The following LIMA1 variants were observed in gnomAD, a reference collection of about 807,000 sequenced individuals.
LIMA1 encodes the protein LIM domain and actin-binding protein 1.
Under a neutral mutation model 62.6 loss-of-function variants are expected in LIMA1, and 52 were observed. That is an observed-to-expected ratio of 0.83 (90% confidence interval 0.67 to 1.05). The LOEUF (loss-of-function observed/expected upper bound fraction) is 1.05, where lower values mean the gene tolerates loss of function less well. LIMA1 is among the 50% of genes least tolerant of loss of function. LIMA1 has a pLI of 0.00. For synonymous variants in LIMA1, 302 were observed against 317.8 expected (o/e 0.95, Z 0.53); for missense variants, 780 against 902.2 (o/e 0.86, Z 1.74).
intron 1 of LIMA1, among the ~76,000 whole-genome samples, chr12:50,263,855 GAGTA>G (rs200516761): frequency 0.015 from 1,551 of 101,804 alleles, 37 homozygotes; most frequent in African/African-American, 0.052. Flanking sequence ...TATATATAGA[GAGTA>G]TATATATATA....
At chr12:50,196,500 G>T (rs1940933488) in intron 7 of LIMA1, among the ~76,000 whole-genome samples, 1 of 152,116 alleles carries the variant, frequency 6.6e-6, no homozygotes, top group Non-Finnish European at 1.5e-5. Flanking sequence ...TTACGTATAG[G>T]TGTATATATC....
chr12:50,272,728 G>A (rs1942228566), intron 1 of LIMA1, among the ~76,000 whole-genome samples: 1 of 151,724 alleles, frequency 6.6e-6, no homozygotes, highest in Non-Finnish European at 1.5e-5. Context: ...CTACTTATCT[G>A]GACCAGTGCT....
chr12:50,185,139 G>T (rs1029306829), intron 9 of LIMA1, among the ~76,000 whole-genome samples: 2 of 152,096 alleles, frequency 1.3e-5, no homozygotes, highest in African/African-American at 4.8e-5. Context: ...CCGGAATTCT[G>T]TATTTTTTAA....
chr12:50,183,687 TA>T (rs569918859), intron 9 of LIMA1, among the ~76,000 whole-genome samples: 79 of 151,576 alleles, frequency 5.2e-4, no homozygotes, highest in South Asian at 4.2e-4. Context: ...GGCGTGTGCC[TA>T]TAGTCCCAGC....
chr12:50,283,191 C>G (rs1942360806), intron 1 of LIMA1, among the ~76,000 whole-genome samples: 1 of 151,686 alleles, frequency 6.6e-6, no homozygotes, highest in Non-Finnish European at 1.5e-5. Flanking sequence ...TTTGCAGCTC[C>G]CGCCCTTGGG....
intron 2 of LIMA1, among the ~76,000 whole-genome samples, chr12:50,236,444 C>T (rs576861801): frequency 1.5e-4 from 22 of 150,894 alleles, no homozygotes; most frequent in African/African-American, 5.1e-4. Flanking sequence ...ATTACAGGCA[C>T]GCACCACCAC....
At chr12:50,268,961 G>C (rs1213878591) in intron 1 of LIMA1, among the ~76,000 whole-genome samples, 2 of 152,078 alleles carry the variant, frequency 1.3e-5, no homozygotes, top group Non-Finnish European at 1.5e-5. Flanking sequence ...TTGAAACTAG[G>C]AATATTAAAG....
At chr12:50,195,278 AC>A (rs760706597) in intron 8 of LIMA1, among the ~76,000 whole-genome samples, 6 of 152,242 alleles carry the variant, frequency 3.9e-5, no homozygotes, top group South Asian at 4.1e-4. Flanking sequence ...ACAAAAAAAA[AC>A]ATTTTTGTCT....
intron 8 of LIMA1, among the ~76,000 whole-genome samples, chr12:50,194,298 T>C (rs1226793020): frequency 7.2e-6 from 1 of 139,596 alleles, no homozygotes; most frequent in African/African-American, 2.7e-5. Context: ...CAGCAACATA[T>C]ATATATATTT....
Position 50,268,594 on chromosome 12 carries a change from A to AATTATTATTATTATTATT in LIMA1, c.-24+14808_-24+14825dup, listed in dbSNP as rs140101130. Among the ~76,000 whole-genome samples the AATTATTATTATTATTATT allele has an allele frequency of 4.0e-3, 594 of 149,246 alleles. 6 individuals are homozygous for AATTATTATTATTATTATT. Among genetic ancestry groups the AATTATTATTATTATTATT allele is most frequent in the South Asian group, 0.02 (94 of 4,630 alleles). ...CTTAATTCTTACACTGCCATGAAGC[A>AATTATTATTATTATTATT]ATTATTATTATTATTATTATTATTG... On this transcript the variant is annotated intron_variant, in intron 1 of 10. Transcript: ENST00000341247.
chr12:50,184,514 C>T (rs575479171), intron 9 of LIMA1, among the ~76,000 whole-genome samples: 20 of 152,146 alleles, frequency 1.3e-4, no homozygotes, highest in African/African-American at 3.1e-4. Context: ...TGGTGGCGGG[C>T]GCCTGTAATT....
intron 1 of LIMA1, among the ~76,000 whole-genome samples, chr12:50,282,109 T>G (rs1398636065): frequency 2.0e-5 from 3 of 146,858 alleles, no homozygotes; most frequent in African/African-American, 8.2e-5. Context: ...AACACACACT[T>G]TTTTTTGCCT....
chr12:50,208,988 C>A (rs542836040), intron 4 of LIMA1, among the ~76,000 whole-genome samples: 22 of 132,262 alleles, frequency 1.7e-4, no homozygotes, highest in Non-Finnish European at 3.4e-4. Context: ...TTTTTTCTTT[C>A]TTTCTTTTTT....
In LIMA1 at chr12:50,240,314, T is replaced by C. The variant is rs567788126; in HGVS notation, c.119+8319A>G. On this transcript the variant is annotated intron_variant, in intron 2 of 10. Transcript: ENST00000341247. ...TGAGGCGGGAGGCAGGGATGGGCCA[T>C]GCAGGTAATGCTAAGGACTTTGAAT... 2.0e-5 allele frequency among the ~76,000 whole-genome samples: 3 copies of C among 152,260 alleles called. No homozygotes were observed. In the South Asian group the frequency reaches 6.2e-4, roughly 32 times the overall value.
In LIMA1 at chr12:50,228,504, C is replaced by T. The variant is rs1941564961; in HGVS notation, c.165+3161G>A. On this transcript the variant is annotated intron_variant, in intron 3 of 10. Transcript: ENST00000341247. ...TCACTCGGCTTCTGGCACTTGTTTC[C>T]TCTGCTGGTTACTCCTTATATCTCC... 2.6e-5 allele frequency among the ~76,000 whole-genome samples: 4 copies of T among 152,172 alleles called. No individual in the cohort carries two copies. The South Asian group carries it at 8.3e-4, about 31-fold the overall frequency.
intron 2 of LIMA1, among the ~76,000 whole-genome samples, chr12:50,237,417 T>A (rs1941711651): frequency 6.6e-6 from 1 of 151,972 alleles, no homozygotes. Flanking sequence ...CGGGCGGATC[T>A]CCTGAGGTCA....
At position 50,190,682 on chromosome 12, in the gene LIMA1, A is replaced by ATTTT. The variant is rs762182699; in HGVS notation, c.1140+1766_1140+1769dup. On this transcript the variant is annotated intron_variant, in intron 9 of 10. Transcript: ENST00000341247. The stretch of plus-strand genomic sequence containing the variant: ...GGCGTGAGCCACCACACCCGGCCTC[A>ATTTT]TTTTTTTTTTTTTTTTTTTTTTTTT... Among the ~76,000 whole-genome samples the ATTTT allele has an allele frequency of 7.5e-5, 7 of 93,034 alleles. 2 individuals carry two copies. Among genetic ancestry groups the ATTTT allele is most frequent in the African/African-American group, 1.8e-4 (4 of 22,578 alleles). The allele number at this position is 93,034 out of a possible 152,430, so 61.0% of individuals were successfully genotyped here. A position where few individuals can be genotyped will look rare whatever the true frequency, so the allele number is the denominator to read the frequency against.
At chr12:50,244,350 G>A (rs1289556001) in intron 2 of LIMA1, among the ~76,000 whole-genome samples, 12 of 151,908 alleles carry the variant, frequency 7.9e-5, no homozygotes, top group Admixed American at 7.9e-4. Context: ...TGATCTGCCC[G>A]CCTCAGCCTC....
At chr12:50,213,344 C>T (rs1430056392) in intron 4 of LIMA1, among the ~76,000 whole-genome samples, 2 of 152,166 alleles carry the variant, frequency 1.3e-5, no homozygotes, top group East Asian at 1.9e-4. Context: ...TGTTTCTATC[C>T]AATAAATAGT....
Sources: allele counts gnomAD v4.1 joint callset (sites outside exome capture counted in the v4.1 genomes callset), GRCh38; gene constraint gnomAD v4.1.1; transcripts MANE v1.5; gene names NCBI Gene and HGNC (gene_info 2026-07-23, HGNC 2026-07-21).